The following NEURL1 variants were observed in gnomAD, a reference collection of about 807,000 sequenced individuals.
NEURL1 encodes the protein E3 ubiquitin-protein ligase NEURL1.
A neutral mutation model predicts 41.2 loss-of-function variants in NEURL1; 26 were observed. The ratio of observed to expected loss-of-function variants is 0.63; its 90% CI spans 0.46 to 0.87. NEURL1 has a LOEUF of 0.87. Ranked by LOEUF, NEURL1 falls within the 40% of genes least tolerant of loss-of-function variation. The pLI, the probability that NEURL1 is intolerant of heterozygous loss-of-function variation, is 0.00. For synonymous variants in NEURL1, 400 were observed against 402.3 expected (o/e 0.99, Z 0.07); for missense variants, 761 against 871.1 (o/e 0.87, Z 1.59).
chr10:103,517,008 TCCTC>T (rs1385480193), intron 1 of NEURL1, among the ~76,000 whole-genome samples: 6 of 146,036 alleles, frequency 4.1e-5, no homozygotes, highest in South Asian at 4.5e-4. Context: ...CCTCCATCCT[TCCTC>T]CCTCCCTCCC....
intron 3 of NEURL1, among the ~76,000 whole-genome samples, chr10:103,572,153 T>A (rs1277494758): frequency 6.6e-6 from 1 of 152,186 alleles, no homozygotes; most frequent in Non-Finnish European, 1.5e-5. Context: ...ACAACCACAG[T>A]TCATAGAACA....
chr10:103,575,075 C>T (rs575590019), intron 3 of NEURL1, among the ~76,000 whole-genome samples: 1 of 151,778 alleles, frequency 6.6e-6, no homozygotes, highest in South Asian at 2.1e-4. Context: ...TCTCCACCTT[C>T]GTTCACTGCC....
rs370554800 is a variant in NEURL1 at position 103,539,887 on chromosome 10, G to A, written c.86-30985G>A. On this transcript the variant is annotated intron_variant, in intron 1 of 5. Coordinates refer to ENST00000369780, the MANE Select transcript of NEURL1 (RefSeq NM_004210.5). ...ATATGTCCTTTGGTTTTGGTTTTCT[G>A]TGTTCTTTCTGTTTCTTGCCTGGAA... Among the ~76,000 whole-genome samples the A allele has an allele frequency of 6.6e-5, 10 of 152,278 alleles. No homozygotes were observed. The South Asian group carries it at 2.1e-3, about 32-fold the overall frequency.
intron 3 of NEURL1, among the ~76,000 whole-genome samples, chr10:103,580,694 C>A (rs954366071): frequency 1.3e-5 from 2 of 152,088 alleles, no homozygotes; most frequent in East Asian, 3.9e-4. Flanking sequence ...TGCTCCTGAC[C>A]CTGAGGGGTG....
At chr10:103,537,328 T>A (rs1446543912) in intron 1 of NEURL1, among the ~76,000 whole-genome samples, 1 of 152,208 alleles carries the variant, frequency 6.6e-6, no homozygotes, top group Non-Finnish European at 1.5e-5. Context: ...CTATTTTTAA[T>A]TTTTTGAGGA....
intron 1 of NEURL1, among the ~76,000 whole-genome samples, chr10:103,521,341 G>C (rs980961997): frequency 2.6e-5 from 4 of 152,250 alleles, no homozygotes; most frequent in South Asian, 4.2e-4. Context: ...AGACCCTGTG[G>C]GAAAGGCCTC....
intron 1 of NEURL1, among the ~76,000 whole-genome samples, chr10:103,524,843 T>C (rs1039702420): frequency 4.6e-5 from 7 of 152,130 alleles, no homozygotes; most frequent in African/African-American, 1.7e-4. Context: ...GTTTTGGTCT[T>C]TTTAATATAT....
intron 1 of NEURL1, among the ~76,000 whole-genome samples, chr10:103,523,403 A>G (rs2034396424): frequency 6.6e-6 from 1 of 151,886 alleles, no homozygotes; most frequent in African/African-American, 2.4e-5. Context: ...CTGCAGTGAG[A>G]GATGATGGCA....
At chr10:103,521,354 C>T (rs915346821) in intron 1 of NEURL1, among the ~76,000 whole-genome samples, 1 of 152,146 alleles carries the variant, frequency 6.6e-6, no homozygotes, top group Non-Finnish European at 1.5e-5. Context: ...AAGGCCTCTA[C>T]CCATCCAGTG....
Position 103,551,297 on chromosome 10 carries a change from A to ATTTT in NEURL1, c.86-19555_86-19552dup, listed in dbSNP as rs528332099. On this transcript the variant is annotated intron_variant, in intron 1 of 5. Coordinates refer to ENST00000369780, the MANE Select transcript of NEURL1 (RefSeq NM_004210.5). ...GTAACAGAATCCTTTGGTCAAATGA[A>ATTTT]TTTTTTTTTTTTTTTTTTTTTTTGA... Among the ~76,000 whole-genome samples, 499 of 118,698 alleles carry ATTTT rather than the reference A, an allele frequency of 4.2e-3. 10 individuals are homozygous for ATTTT. Among genetic ancestry groups the ATTTT allele is most frequent in the African/African-American group, 0.017 (472 of 27,464 alleles). The allele number at this position is 118,698 out of a possible 152,430, so 77.9% of individuals were successfully genotyped here. A position where few individuals can be genotyped will look rare whatever the true frequency, so the allele number is the denominator to read the frequency against.
intron 1 of NEURL1, among the ~76,000 whole-genome samples, chr10:103,564,885 G>C (rs879309479): frequency 6.6e-6 from 1 of 152,136 alleles, no homozygotes; most frequent in Non-Finnish European, 1.5e-5. Flanking sequence ...TGCCAGGATG[G>C]AGGAGGGGGT....
At chr10:103,526,979 A>C (rs2034473162) in intron 1 of NEURL1, among the ~76,000 whole-genome samples, 1 of 152,096 alleles carries the variant, frequency 6.6e-6, no homozygotes, top group Non-Finnish European at 1.5e-5. Context: ...AAAGAAACAA[A>C]AGAATGGCTA....
intron 1 of NEURL1, among the ~76,000 whole-genome samples, chr10:103,553,888 G>A (rs1170634070): frequency 1.3e-5 from 2 of 152,234 alleles, no homozygotes; most frequent in Non-Finnish European, 2.9e-5. Flanking sequence ...AGGGAGGATG[G>A]TGCTGTCCTG....
intron 1 of NEURL1, among the ~76,000 whole-genome samples, chr10:103,541,336 G>T (rs2034816661): frequency 6.6e-6 from 1 of 152,154 alleles, no homozygotes; most frequent in African/African-American, 2.4e-5. Context: ...GGGGGAGTCT[G>T]GGGGAGCCAT....
At chr10:103,589,414 T>A in intron 4 of NEURL1, 100 bp from the exon 5 acceptor site, 1 of 1,338,494 alleles carries the variant, frequency 7.5e-7, no homozygotes, top group South Asian at 1.5e-5. Flanking sequence ...GTGGCTGGGC[T>A]GTGTGGTCAG....
intron 1 of NEURL1, among the ~76,000 whole-genome samples, chr10:103,532,247 T>G (rs1346575424): frequency 1.3e-5 from 2 of 152,200 alleles, no homozygotes; most frequent in Non-Finnish European, 2.9e-5. Flanking sequence ...GTTTTCTGAT[T>G]GTTTTGTGTA....
intron 1 of NEURL1, among the ~76,000 whole-genome samples, chr10:103,567,052 G>A (rs1358799894): frequency 6.7e-6 from 1 of 150,310 alleles, no homozygotes; most frequent in Non-Finnish European, 1.5e-5. Context: ...GTGCTGTCTC[G>A]GCTCACTGCA....
intron 1 of NEURL1, among the ~76,000 whole-genome samples, chr10:103,525,236 G>T (rs1452486895): frequency 2.0e-5 from 3 of 149,860 alleles, no homozygotes; most frequent in Non-Finnish European, 4.4e-5. Context: ...GTTTGTTGTT[G>T]GTGTATAGAA....
intron 1 of NEURL1, among the ~76,000 whole-genome samples, chr10:103,567,821 T>A (rs1463716814): frequency 6.6e-6 from 1 of 152,212 alleles, no homozygotes; most frequent in Non-Finnish European, 1.5e-5. Flanking sequence ...GAGGCACATA[T>A]TTGTCACCTG....
Sources: gnomAD v4.1 joint callset for allele counts (sites outside exome capture counted in the v4.1 genomes callset) on GRCh38, gnomAD v4.1.1 for gene constraint, MANE v1.5 for transcripts, NCBI Gene and HGNC (gene_info 2026-07-23, HGNC 2026-07-21) for gene names.